Variants in ADGRG4 observed in about 807,000 individuals in gnomAD.
ADGRG4 encodes the protein adhesion G protein-coupled receptor G4.
In ADGRG4, 122 loss-of-function variants were observed where a neutral mutation model predicts 126.2. That is an observed-to-expected ratio of 0.97 (90% CI 0.83 to 1.12). The LOEUF is 1.12. Among genes scored for constraint, ADGRG4 ranks in the 50% most tolerant of loss-of-function variants. ADGRG4 has a pLI of 0.00. For missense variants in ADGRG4, 2,481 were observed against 2,251.8 expected (o/e 1.10, Z -2.06); for synonymous variants, 943 against 838.7 (o/e 1.12, Z -2.15).
chrX:136,307,703 G>A (rs2074742873), intron 3 of ADGRG4, among the ~76,000 whole-genome samples: 1 of 112,474 alleles, frequency 8.9e-6, no homozygotes, highest in Admixed American at 9.4e-5. Context: ...TTATCCTATA[G>A]AAAAAGAAAT....
At position 136,348,558 on chromosome X, in the gene ADGRG4, G is replaced by C. The variant is rs1473252764; in HGVS notation, c.4852G>C (p.Ala1618Pro). The change falls in exon 6 of 26, where the codon GCT (alanine) becomes CCT (proline). Residue 1618 changes from alanine (A) to proline (P), a missense_variant. Physicochemically the swap from Ala to Pro is conservative, Grantham distance 27. Coordinates refer to ENST00000394143, the MANE Select transcript of ADGRG4 (RefSeq NM_153834.4). ...LDVTPVIYAG[A>P]TSKNKMVSSA... ...TGTCACACCTGTGATATATGCTGGG[G>C]CTACTTCAAAAAACAAAATGGTTTC... 1 of 1,209,087 alleles carries C rather than the reference G, an allele frequency of 8.3e-7. No homozygotes were observed.
chrX:136,348,783 A>G lies in ADGRG4; in HGVS notation c.5077A>G (p.Lys1693Glu), dbSNP rs147083468. 28 of 1,206,126 alleles carry G rather than the reference A, an allele frequency of 2.3e-5. No homozygotes were observed. The highest frequency in any genetic ancestry group is 3.0e-5 in the Non-Finnish European group (27 of 893,920). ...KSTGAISSIP[K>E]TTFSPFLSAT... ...CACTGGAGCTATTTCCTCCATTCCA[A>G]AGACCACATTTTCACCATTTCTATC... is the stretch of plus-strand genomic sequence containing the variant. The change falls in exon 6 of 26, where the codon AAG becomes GAG. Residue 1693 changes from lysine (K) to glutamate (E), a missense_variant. By Grantham distance (56) the Lys-to-Glu change is moderately conservative. Transcript: ENST00000394143.
rs369417179 is a variant in ADGRG4 at position 136,308,828 on chromosome X, G to A, written c.51G>A (p.Ser17=). 332 of 1,126,417 alleles carry A rather than the reference G, an allele frequency of 2.9e-4. No individual in the cohort carries two copies. The highest frequency in any genetic ancestry group is 3.1e-4 in the South Asian group (17 of 54,719). 92.8% of individuals were successfully genotyped at this position (1,126,417 alleles called of 1,213,427 possible). The change falls in exon 4 of 26, where the codon TCG becomes TCA. Residue 17 remains serine (S), a synonymous_variant. Transcript: ENST00000394143. The stretch of plus-strand genomic sequence containing the variant: ...AGCTTTATGGATTGATTCTCATGTC[G>A]AGTTTTATCTTTCTCTCAGGTAAGA... The part of the protein sequence containing the change: ...YQKLYGLILM[S]SFIFLSDTLS...
At chrX:136,355,531 A>G (rs780977696) in intron 8 of ADGRG4, among the ~76,000 whole-genome samples, 1 of 111,740 alleles carries the variant, frequency 8.9e-6, no homozygotes, top group Non-Finnish European at 1.9e-5. Flanking sequence ...AGAGCTTTAC[A>G]GAAATATATA....
At position 136,301,541 on chromosome X, in the gene ADGRG4, T is replaced by C. The variant is rs142064425; in HGVS notation, c.-254+541T>C. Reference sequence around the variant, plus strand: ...ATTTTCTCTCATTCTGTAAGTTGCCTGTTTACTCTGATGGTAGTTTCTTTT... The same window carrying C: ...ATTTTCTCTCATTCTGTAAGTTGCCCGTTTACTCTGATGGTAGTTTCTTTT... On this transcript the variant is annotated intron_variant, in intron 1 of 25. Coordinates refer to ENST00000394143, the MANE Select transcript of ADGRG4 (RefSeq NM_153834.4). Among the ~76,000 whole-genome samples the C allele has an allele frequency of 7.5e-3, 841 of 112,211 alleles. 5 individuals carry two copies. The highest frequency in any genetic ancestry group is 0.025 in the African/African-American group (780 of 30,909).
At chrX:136,314,503 G>A (rs1395723613) in intron 4 of ADGRG4, among the ~76,000 whole-genome samples, 1 of 111,281 alleles carries the variant, frequency 9.0e-6, no homozygotes, top group African/African-American at 3.3e-5. Flanking sequence ...TGTTACCCAT[G>A]TCTGGGTCAC....
At position 136,323,387 on chromosome X, in the gene ADGRG4, G is replaced by A. The variant is rs138853777; in HGVS notation, c.680G>A (p.Arg227His). 1.8e-5 allele frequency: 22 copies of A among 1,196,669 alleles called. No homozygotes were observed. The highest frequency in any genetic ancestry group is 1.4e-4 in the African/African-American group (8 of 56,661). ...ATCCCAACTGTTGACAGGACACTGC[G>A]CTGCTGTGAGTAACTTAACAACTTT... is the stretch of plus-strand genomic sequence containing the variant. ...KIIPTVDRTL[R>H]CFVPENMTIQ... Residue 227 changes from arginine (R) to histidine (H), a missense_variant, in exon 5 of 26, where the codon CGC becomes CAC. Physicochemically the swap from Arg to His is conservative, Grantham distance 29. Transcript: ENST00000394143.
rs146772291 is a variant in ADGRG4 at position 136,347,649 on chromosome X, C to T, written c.3943C>T (p.Pro1315Ser). Residue 1315 changes from proline to serine, a missense_variant, in exon 6 of 26, where the codon CCT becomes TCT. Coordinates refer to ENST00000394143, the MANE Select transcript of ADGRG4 (RefSeq NM_153834.4). The stretch of plus-strand genomic sequence containing the variant: ...AATTTCCAGTCACCAAACACATTCG[C>T]CTTCAGAGATTCCACTTGGGACTCC... ...TKISSHQTHS[P>S]SEIPLGTPSD... The T allele has an allele frequency of 1.9e-4, 233 of 1,208,663 alleles. No homozygotes were observed. In the African/African-American group the frequency reaches 3.9e-3, roughly 20 times the overall value.
intron 20 of ADGRG4, among the ~76,000 whole-genome samples, chrX:136,398,646 T>C (rs765811262): frequency 4.1e-4 from 46 of 112,189 alleles, no homozygotes; most frequent in Non-Finnish European, 6.4e-4. Context: ...AACAAGCATG[T>C]GGAACAACTG....
intron 9 of ADGRG4, among the ~76,000 whole-genome samples, chrX:136,357,184 G>A (rs1259751011): frequency 9.0e-6 from 1 of 111,437 alleles, no homozygotes; most frequent in Non-Finnish European, 1.9e-5. Context: ...TGGTCAAGCT[G>A]CCTGGGTTGG....
chrX:136,320,146 T>C (rs2074831066), intron 4 of ADGRG4, among the ~76,000 whole-genome samples: 2 of 111,957 alleles, frequency 1.8e-5, no homozygotes, highest in Admixed American at 1.9e-4. Flanking sequence ...CCCTATTCCA[T>C]TGTATAGAGG....
chrX:136,402,019 G>A (rs755312517), intron 21 of ADGRG4, among the ~76,000 whole-genome samples: 5 of 112,218 alleles, frequency 4.5e-5, no homozygotes, highest in Non-Finnish European at 9.4e-5. Flanking sequence ...ATACATGCAC[G>A]GTCACCAGGG....
In ADGRG4 at chrX:136,371,463, C is replaced by G. The variant is rs754842282; in HGVS notation, c.7532C>G (p.Thr2511Ser). 7.5e-6 allele frequency: 9 copies of G among 1,198,473 alleles called. No individual in the cohort carries two copies. In the South Asian group the frequency reaches 1.5e-4, roughly 19 times the overall value. ...TGTGATGAGATAAGTATGAACCTAA[C>G]TCATGTTATGTTACAAATAATCAAC... ...SQCDEISMNL[T>S]HVMLQIINVV... The change falls in exon 14 of 26, where the codon ACT becomes AGT. Residue 2511 changes from threonine (T) to serine (S), a missense_variant. By Grantham distance (58) the Thr-to-Ser change is moderately conservative (BLOSUM62 1). Coordinates refer to ENST00000394143, the MANE Select transcript of ADGRG4 (RefSeq NM_153834.4).
chrX:136,376,855 C>T (rs776914973), intron 15 of ADGRG4, among the ~76,000 whole-genome samples: 1 of 111,013 alleles, frequency 9.0e-6, no homozygotes, highest in East Asian at 2.8e-4. Context: ...TTGAATGAGT[C>T]GTTATGGTTT....
At chrX:136,357,123 A>G (rs989154088) in intron 9 of ADGRG4, among the ~76,000 whole-genome samples, 1 of 112,525 alleles carries the variant, frequency 8.9e-6, no homozygotes, top group African/African-American at 3.2e-5. Context: ...ATAGCATGAT[A>G]TAACTAAAAT....
At chrX:136,391,091 G>A (rs761923917) in intron 16 of ADGRG4, among the ~76,000 whole-genome samples, 7 of 111,304 alleles carry the variant, frequency 6.3e-5, no homozygotes, top group Non-Finnish European at 1.1e-4. Flanking sequence ...GGAGCCCCAG[G>A]CTGAATTTGC....
At chrX:136,341,802 A>G (rs1273525745) in intron 5 of ADGRG4, among the ~76,000 whole-genome samples, 3 of 111,995 alleles carry the variant, frequency 2.7e-5, no homozygotes, top group Admixed American at 9.5e-5. Flanking sequence ...CCTGAAGAAC[A>G]TCCTACACAC....
chrX:136,395,526 G>C (rs1478792266), intron 19 of ADGRG4, 33 bp downstream of exon 19: 1 of 865,921 alleles, frequency 1.2e-6, no homozygotes, highest in African/African-American at 2.0e-5. Context: ...CTCGATGGAA[G>C]TTTGACAATT....
At chrX:136,350,980 T>A (rs2075058873) in intron 6 of ADGRG4, among the ~76,000 whole-genome samples, 1 of 111,819 alleles carries the variant, frequency 8.9e-6, no homozygotes, top group Non-Finnish European at 1.9e-5. Context: ...GGAATATTCC[T>A]GCAACTTTTA....
Sources: gnomAD v4.1 joint callset for allele counts (sites outside exome capture counted in the v4.1 genomes callset) on GRCh38, gnomAD v4.1.1 for gene constraint, MANE v1.5 for transcripts, NCBI Gene and HGNC (gene_info 2026-07-23, HGNC 2026-07-21) for gene names.